The following ABCG5 variants were observed in gnomAD, a reference collection of about 807,000 sequenced individuals.
ABCG5 encodes ATP-binding cassette sub-family G member 5.
A neutral mutation model predicts 64.5 loss-of-function variants in ABCG5; 64 were observed. The observed-to-expected ratio is 0.99, with a 90% CI of 0.81 to 1.22. The LOEUF is 1.22. ABCG5 is among the 50% of genes most tolerant of loss of function. ABCG5 has a pLI of 0.00. For synonymous variants in ABCG5, 385 were observed against 326.3 expected (o/e 1.18, Z -1.94); for missense variants, 908 against 829.5 (o/e 1.09, Z -1.16).
At chr2:43,810,665 C>T (rs1020337995), downstream of ABCG5, among the ~76,000 whole-genome samples, 1 of 152,188 alleles carries the variant, frequency 6.6e-6, no homozygotes, top group Admixed American at 6.5e-5. Context: ...AAGCCATCTG[C>T]TTATTGCAAT....
chr2:43,820,113 A>G lies in ABCG5; in HGVS notation c.1464-13T>C. 1 of 1,611,952 alleles carries G rather than the reference A, an allele frequency of 6.2e-7. No individual in the cohort carries two copies. Among genetic ancestry groups the G allele is most frequent in the Non-Finnish European group, 8.5e-7 (1 of 1,178,914 alleles). On this transcript the variant is annotated splice_polypyrimidine_tract_variant and intron_variant, in intron 10 of 12. Coordinates refer to ENST00000405322, the MANE Select transcript of ABCG5 (RefSeq NM_022436.3). ...TAAGCCCAGCGTCCTAGAAAAGCAT[A>G]AGCTCTTTAGTTTCCTCTCCAAGGG...
chr2:43,824,161 T>C, intron 8 of ABCG5, 43 bp from the exon 9 acceptor site: 1 of 1,614,092 alleles, frequency 6.2e-7, no homozygotes, highest in Non-Finnish European at 8.5e-7. Flanking sequence ...TCAGAATTGT[T>C]ATTGGGGGAT....
chr2:43,820,036 G>C lies in ABCG5; in HGVS notation c.1528C>G (p.His510Asp), dbSNP rs199984328. 1.9e-6 allele frequency: 3 copies of C among 1,614,030 alleles called. No homozygotes were observed. Among genetic ancestry groups the C allele is most frequent in the East Asian group, 2.2e-5 (1 of 44,902 alleles). Reference protein sequence around the residue: ...GYFSAALLAPHLIGEFLTLVL... With the variant: ...GYFSAALLAPDLIGEFLTLVL... The stretch of plus-strand genomic sequence containing the variant: ...AGAGTTAGAAATTCACCAATTAAGT[G>C]GGGGGCCAAGAGAGCAGCAGAAAAA... The change falls in exon 11 of 13, where the codon CAC becomes GAC. Residue 510 changes from histidine (H) to aspartate (D), a missense_variant. By Grantham distance (81) the His-to-Asp change is moderately conservative. Coordinates refer to ENST00000405322, the MANE Select transcript of ABCG5 (RefSeq NM_022436.3).
rs764191918 is a variant in ABCG5 at position 43,822,814 on chromosome 2, GA to G, written c.1445del (p.Phe482SerfsTer30). 1.2e-6 allele frequency: 2 copies of G among 1,614,170 alleles called. No homozygotes were observed. Among genetic ancestry groups the G allele is most frequent in the South Asian group, 2.2e-5 (2 of 91,086 alleles). On this transcript the variant is annotated frameshift_variant, in exon 10 of 13. Transcript: ENST00000405322. LOFTEE classifies it high-confidence loss of function. ...LPFSVVATMI[F>X]SSVCYWTLGL... ...CCCCTCACCAGTAGCACACACTGCT[GA>G]AAATCATGGTGGCAACAACGCTGAA... is the stretch of plus-strand genomic sequence containing the variant.
At chr2:43,821,804 C>G (rs1667224171) in intron 10 of ABCG5, among the ~76,000 whole-genome samples, 1 of 152,126 alleles carries the variant, frequency 6.6e-6, no homozygotes, top group African/African-American at 2.4e-5. Flanking sequence ...CAGTGCTCAG[C>G]AGCTGAATTC....
intron 10 of ABCG5, 35 bp downstream of exon 10, chr2:43,822,762 G>C (rs2104804587): frequency 6.2e-7 from 1 of 1,613,956 alleles, no homozygotes; most frequent in Middle Eastern, 1.7e-4. Flanking sequence ...GACTCCATGG[G>C]AGCCCGGCCC....
chr2:43,832,089 G>C lies in ABCG5; in HGVS notation c.266-6C>G. On this transcript the variant is annotated splice_region_variant and splice_polypyrimidine_tract_variant and intron_variant, in intron 2 of 12. Transcript: ENST00000405322. ...CAGCGTGGTTTTCCCGGAGCCTGCG[G>C]GGCGACAACAGAAGGCCCTAGAGGA... The C allele has an allele frequency of 6.3e-7, 1 of 1,575,196 alleles. No homozygotes were observed. Among genetic ancestry groups the C allele is most frequent in the Non-Finnish European group, 8.6e-7 (1 of 1,160,854 alleles).
intron 4 of ABCG5, among the ~76,000 whole-genome samples, chr2:43,831,035 C>A (rs899170094): frequency 6.6e-6 from 1 of 152,128 alleles, no homozygotes; most frequent in African/African-American, 2.4e-5. Context: ...AAGGGTAATG[C>A]AAGCCACAGA....
intron 2 of ABCG5, chr2:43,832,485 G>GC (rs1668012673): frequency 1.4e-5 from 4 of 284,556 alleles, no homozygotes; most frequent in Admixed American, 9.4e-5. Context: ...TTCTTTTTGT[G>GC]CCCCCCTGGG....
intron 2 of ABCG5, among the ~76,000 whole-genome samples, chr2:43,836,751 G>A (rs1383114059): frequency 1.3e-5 from 2 of 152,180 alleles, no homozygotes; most frequent in South Asian, 2.1e-4. Context: ...CTGGGAAAGA[G>A]GAGGAGAAGG....
In ABCG5 at chr2:43,832,055, G is replaced by T; in HGVS notation, c.294C>A (p.Ala98=). Residue 98 remains alanine, a synonymous_variant, in exon 3 of 13, where the codon GCC becomes GCA. Transcript: ENST00000405322. ...CCGCGCGCCCCAGCCTCCCGGACAT[G>T]GCGTCCAGCAGCGTGGTTTTCCCGG... The part of the protein sequence containing the change: ...SGSGKTTLLD[A]MSGRLGRAGT... 6.3e-7 allele frequency: 1 copy of T among 1,582,834 alleles called. No homozygotes were observed. Among genetic ancestry groups the T allele is most frequent in the South Asian group, 1.2e-5 (1 of 86,190 alleles).
chr2:43,817,507 AAAAT>A (rs1381083183), intron 11 of ABCG5, among the ~76,000 whole-genome samples: 1 of 151,712 alleles, frequency 6.6e-6, no homozygotes, highest in Non-Finnish European at 1.5e-5. Context: ...AACAAAAATA[AAAAT>A]AAAGAGCAAC....
At chr2:43,823,781 A>C in intron 9 of ABCG5, 132 bp downstream of exon 9, 4 of 1,037,822 alleles carry the variant, frequency 3.9e-6, no homozygotes, top group Non-Finnish European at 5.5e-6. Context: ...CTTTCCCCAG[A>C]GAGGGAACCT....
chr2:43,807,010 T>A, the ABCG5 span, among the ~76,000 whole-genome samples: 1 of 152,238 alleles, frequency 6.6e-6, no homozygotes, highest in Non-Finnish European at 1.5e-5. Flanking sequence ...GACCTTAACA[T>A]AATTTTATGC....
At chr2:43,823,473 C>T (rs187515813) in intron 9 of ABCG5, among the ~76,000 whole-genome samples, 7 of 152,292 alleles carry the variant, frequency 4.6e-5, no homozygotes, top group Admixed American at 2.0e-4. Flanking sequence ...CTTCCTGCAA[C>T]GTTAGGCAAC....
chr2:43,819,789 T>G (rs1234634208), intron 11 of ABCG5, 126 bp downstream of exon 11: 20 of 1,021,272 alleles, frequency 2.0e-5, no homozygotes, highest in Non-Finnish European at 2.9e-5. Context: ...GTATAAATGC[T>G]CTAGACTATA....
rs749323458 is a variant in ABCG5 at position 43,838,686 on chromosome 2, C to T, written c.-7G>A. Reference sequence around the variant, plus strand: ...AAGATGAGAGGTCACCCATGGCCAACAGGCAGCAAAGCTGGGCAAATTTTC... The same window carrying T: ...AAGATGAGAGGTCACCCATGGCCAATAGGCAGCAAAGCTGGGCAAATTTTC... On this transcript the variant is annotated 5_prime_UTR_variant, in exon 1 of 13. Transcript: ENST00000405322. This position sits in a 1 kb window ranked among gnomAD's most constrained non-coding sequence, Gnocchi z 4.2. The T allele has an allele frequency of 2.5e-6, 4 of 1,613,420 alleles. No homozygotes were observed. Among genetic ancestry groups the T allele is most frequent in the East Asian group, 4.5e-5 (2 of 44,862 alleles).
At chr2:43,824,840 A>T (rs772044301) in intron 7 of ABCG5, 49 bp downstream of exon 7, 1 of 1,609,354 alleles carries the variant, frequency 6.2e-7, no homozygotes. Context: ...GTCTGAGATG[A>T]GAAAGTTTAA....
At chr2:43,822,430 T>C in intron 10 of ABCG5, 1 of 767,178 alleles carries the variant, frequency 1.3e-6, no homozygotes, top group Non-Finnish European at 1.6e-6. Flanking sequence ...CCTCTGAATG[T>C]GTCTGTTTTA....
Sources: gnomAD v4.1 joint callset for allele counts (sites outside exome capture counted in the v4.1 genomes callset) on GRCh38, gnomAD v4.1.1 for gene constraint, Gnocchi (gnomAD v3.1) non-coding constraint, MANE v1.5 for transcripts, NCBI Gene and HGNC (gene_info 2026-07-23, HGNC 2026-07-21) for gene names.